KAZN: variants seen among roughly 807,000 people sequenced by gnomAD.
KAZN encodes the protein kazrin.
KAZN carries 40 observed loss-of-function variants against 87.4 expected under a neutral mutation model. That is an observed-to-expected ratio of 0.46 (90% confidence interval 0.36 to 0.60). KAZN has a LOEUF of 0.60. Ranked by LOEUF, KAZN falls within the 20% of genes least tolerant of loss-of-function variation. KAZN has a pLI of 0.00. For synonymous variants in KAZN, 466 were observed against 458.3 expected (o/e 1.02, Z -0.22); for missense variants, 898 against 1,073.9 (o/e 0.84, Z 2.29).
intron 2 of KAZN, among the ~76,000 whole-genome samples, chr1:14,460,340 G>T (rs886598522): frequency 6.6e-6 from 1 of 152,204 alleles, no homozygotes; most frequent in Non-Finnish European, 1.5e-5. Flanking sequence ...TATTCACATG[G>T]GCAAGTGTGC....
At chr1:14,622,266 C>T (rs113833661) in intron 1 of KAZN, among the ~76,000 whole-genome samples, 1,631 of 152,194 alleles carry the variant, frequency 0.011, 33 homozygotes, top group African/African-American at 0.036. Context: ...GTGCATTGAT[C>T]AATTCTAATT....
chr1:14,749,807 G>A (rs895586057), intron 1 of KAZN, among the ~76,000 whole-genome samples: 4 of 152,108 alleles, frequency 2.6e-5, no homozygotes, highest in Non-Finnish European at 4.4e-5. Context: ...AAGGGGTCTT[G>A]GGAGTCGTAT....
chr1:14,576,118 T>G (rs939888388), intron 2 of KAZN, among the ~76,000 whole-genome samples: 1 of 152,260 alleles, frequency 6.6e-6, no homozygotes, highest in Admixed American at 6.5e-5. Flanking sequence ...TCCTGTGATC[T>G]GTGTGACTTG....
intron 2 of KAZN, among the ~76,000 whole-genome samples, chr1:14,221,379 T>C (rs549817715): frequency 1.3e-5 from 2 of 152,286 alleles, no homozygotes; most frequent in East Asian, 1.9e-4. Flanking sequence ...CAGGTTTCCA[T>C]ACTATCCTCA....
Position 14,605,940 on chromosome 1 carries a change from T to G in KAZN, c.226+6717T>G, listed in dbSNP as rs1677322447. ...ACTCTGAGCCAGATACTGTTCTAAG[T>G]GATTTTCTGGATTAATGCATTTCAG... On this transcript the variant is annotated intron_variant, in intron 1 of 14. Transcript: ENST00000376030. 5.3e-5 allele frequency among the ~76,000 whole-genome samples: 8 copies of G among 152,216 alleles called. 1 individual carries two copies. The South Asian group carries it at 1.7e-3, about 32-fold the overall frequency.
intron 2 of KAZN, among the ~76,000 whole-genome samples, chr1:14,193,066 G>A (rs1046719173): frequency 3.3e-5 from 5 of 152,116 alleles, no homozygotes; most frequent in Middle Eastern, 3.2e-3. Context: ...GATAATGAGC[G>A]AGTTCTCAAA....
At position 14,690,789 on chromosome 1, in the gene KAZN, C is replaced by G. The variant is rs1641245605; in HGVS notation, c.226+91566C>G. On this transcript the variant is annotated intron_variant, in intron 1 of 14. Transcript: ENST00000376030. The stretch of plus-strand genomic sequence containing the variant: ...ATTCAAGAAGACTGACTCTGGAGAC[C>G]TCACTGTGGTTTATCTTAGTTTTGT... Among the ~76,000 whole-genome samples the G allele has an allele frequency of 2.0e-5, 3 of 152,138 alleles. No homozygotes were observed. The South Asian group carries it at 6.2e-4, about 31-fold the overall frequency.
chr1:14,704,299 C>A (rs1425598628), intron 1 of KAZN, among the ~76,000 whole-genome samples: 2 of 152,174 alleles, frequency 1.3e-5, no homozygotes, highest in Admixed American at 1.3e-4. Flanking sequence ...GTACACAGTC[C>A]CCATGGACAA....
intron 1 of KAZN, among the ~76,000 whole-genome samples, chr1:14,098,710 A>C (rs1434052656): frequency 6.6e-6 from 1 of 152,184 alleles, no homozygotes; most frequent in African/African-American, 2.4e-5. Context: ...GAGTAGCTCC[A>C]CTGGAGACCA....
chr1:14,051,832 C>G (rs1032337396), intron 1 of KAZN, among the ~76,000 whole-genome samples: 3 of 152,050 alleles, frequency 2.0e-5, no homozygotes, highest in South Asian at 4.2e-4. Flanking sequence ...AGAGCCAGAC[C>G]CTGTCTCAAA....
At chr1:14,160,955 A>T (rs1173477531) in intron 1 of KAZN, among the ~76,000 whole-genome samples, 1 of 152,194 alleles carries the variant, frequency 6.6e-6, no homozygotes, top group Non-Finnish European at 1.5e-5. Context: ...GTTTGATGGA[A>T]TCTTAATGGT....
intron 2 of KAZN, among the ~76,000 whole-genome samples, chr1:14,411,002 G>A (rs1466280777): frequency 1.3e-5 from 2 of 152,066 alleles, no homozygotes; most frequent in Non-Finnish European, 1.5e-5. Flanking sequence ...AGCATCCCTA[G>A]GAAACGAACA....
At chr1:14,739,382 G>A (rs996298795) in intron 1 of KAZN, among the ~76,000 whole-genome samples, 7 of 152,034 alleles carry the variant, frequency 4.6e-5, no homozygotes, top group Admixed American at 3.9e-4. Flanking sequence ...ATTAGGTGCT[G>A]GCATCGGAAG....
chr1:14,675,986 A>G (rs543214651), intron 1 of KAZN, among the ~76,000 whole-genome samples: 1 of 152,254 alleles, frequency 6.6e-6, no homozygotes, highest in East Asian at 1.9e-4. Context: ...AGGACATCTG[A>G]AAAAGGGGCC....
chr1:14,974,908 TA>T (rs1299504651), intron 2 of KAZN, among the ~76,000 whole-genome samples: 2 of 152,242 alleles, frequency 1.3e-5, no homozygotes, highest in Non-Finnish European at 2.9e-5. Flanking sequence ...TGGCACATGT[TA>T]AATATGTACA....
At chr1:14,162,253 C>T (rs1164729098) in intron 1 of KAZN, among the ~76,000 whole-genome samples, 1 of 152,184 alleles carries the variant, frequency 6.6e-6, no homozygotes, top group Non-Finnish European at 1.5e-5. Flanking sequence ...CTTTCTATCT[C>T]TTTCAGACCG....
At chr1:13,918,162 C>T (rs980225308) in intron 1 of KAZN, among the ~76,000 whole-genome samples, 3 of 152,030 alleles carry the variant, frequency 2.0e-5, no homozygotes, top group Non-Finnish European at 4.4e-5. Flanking sequence ...ATAGTGATTC[C>T]TCTGATGGAT....
At chr1:14,533,442 G>A (rs1231528927) in intron 2 of KAZN, among the ~76,000 whole-genome samples, 3 of 152,130 alleles carry the variant, frequency 2.0e-5, no homozygotes. Flanking sequence ...ATTGGATATT[G>A]GTAGATTTTG....
At chr1:14,207,205 C>G (rs9804069) in intron 2 of KAZN, among the ~76,000 whole-genome samples, 46,084 of 151,966 alleles carry the variant, frequency 0.3, 7,194 homozygotes, top group East Asian at 0.48. Context: ...CTCAGGTGAT[C>G]TGCCCACCTC....
Sources: gnomAD v4.1 joint callset for allele counts (sites outside exome capture counted in the v4.1 genomes callset) on GRCh38, gnomAD v4.1.1 for gene constraint, MANE v1.5 for transcripts, NCBI Gene and HGNC (gene_info 2026-07-23, HGNC 2026-07-21) for gene names.